The following LCORL variants were observed in gnomAD, a reference collection of about 807,000 sequenced individuals.
LCORL encodes ligand dependent nuclear receptor corepressor like, also known as ligand-dependent nuclear receptor corepressor-like protein.
Under a neutral mutation model 141.8 loss-of-function variants are expected in LCORL, and 41 were observed. The ratio of observed to expected loss-of-function variants is 0.29; its 90% CI spans 0.23 to 0.38. LCORL has a LOEUF of 0.38. Ranked by LOEUF, LCORL falls within the 10% of genes least tolerant of loss-of-function variation. The pLI is 1.00. For synonymous variants in LCORL, 618 were observed against 694.1 expected (o/e 0.89, Z 1.72); for missense variants, 1,759 against 2,035.0 (o/e 0.86, Z 2.61).
rs1457013659 is a variant in LCORL, at chr4:17,878,089, G to C, written c.901C>G (p.Leu301Val). Reference sequence around the variant, plus strand: ...GAAGCAGCATTCTGCTCTTGGACTAGAAATTTCAACATAGCCAAAACTTGT... The same window carrying C: ...GAAGCAGCATTCTGCTCTTGGACTACAAATTTCAACATAGCCAAAACTTGT... Residue 301 changes from leucine (L) to valine (V), a missense_variant, in exon 7 of 8, where the codon CTA becomes GTA. Coordinates refer to ENST00000635767, the Ensembl canonical transcript of LCORL. 6.5e-6 allele frequency: 8 copies of C among 1,230,416 alleles called. No individual in the cohort carries two copies. The African/African-American group carries it at 1.2e-4, about 19-fold the overall frequency. 76.2% of individuals were successfully genotyped at this position (1,230,416 alleles called of 1,614,324 possible). A position where few individuals can be genotyped will look rare whatever the true frequency, so the allele number is the denominator to read the frequency against.
chr4:17,957,116 T>C (rs980651293), intron 4 of LCORL, among the ~76,000 whole-genome samples: 2 of 151,960 alleles, frequency 1.3e-5, no homozygotes, highest in African/African-American at 4.8e-5. Flanking sequence ...GGGTGTTGGA[T>C]GTATCAGCTA....
intron 4 of LCORL, among the ~76,000 whole-genome samples, chr4:17,961,148 G>A (rs1160743906): frequency 6.6e-6 from 1 of 152,024 alleles, no homozygotes; most frequent in East Asian, 1.9e-4. Context: ...TCTCAAAGTT[G>A]AGAGAGAGAA....
chr4:17,845,932 T>C (rs778697496), intron 7 of LCORL, 31 bp from the exon 8 acceptor site: 2 of 1,538,852 alleles, frequency 1.3e-6, no homozygotes, highest in Non-Finnish European at 1.8e-6. Context: ...CATTTTAGTT[T>C]TACTTTAATT....
At chr4:17,883,813 AG>A (rs1340944381) in intron 6 of LCORL, 1 of 1,550,614 alleles carries the variant, frequency 6.4e-7, no homozygotes, top group East Asian at 2.4e-5. Context: ...TCTTCTTCGG[AG>A]GAGTCTTCAG....
chr4:17,933,963 C>T (rs1162345341), intron 4 of LCORL, among the ~76,000 whole-genome samples: 2 of 152,012 alleles, frequency 1.3e-5, no homozygotes, highest in African/African-American at 2.4e-5. Flanking sequence ...AGTAACAGTC[C>T]TTTTAGCTCA....
At chr4:17,913,084 A>G in intron 4 of LCORL, 1 of 228,848 alleles carries the variant, frequency 4.4e-6, no homozygotes, top group Non-Finnish European at 8.7e-6. Flanking sequence ...TGTTGAAGAT[A>G]AAGCCTGCAG....
At chr4:17,871,527 G>A (rs1210132684) in intron 7 of LCORL, among the ~76,000 whole-genome samples, 1 of 151,914 alleles carries the variant, frequency 6.6e-6, no homozygotes, top group African/African-American at 2.4e-5. Flanking sequence ...TTCTTAGGAA[G>A]ATACAATGAT....
intron 5 of LCORL, among the ~76,000 whole-genome samples, chr4:17,901,396 AAC>A (rs1283910193): frequency 6.6e-6 from 1 of 151,016 alleles, no homozygotes; most frequent in Non-Finnish European, 1.5e-5. Flanking sequence ...TAAAAAAAAA[AAC>A]AACAAAATCC....
exon 8 of LCORL, chr4:17,842,620 T>C (rs1052495701): frequency 2.5e-6 from 1 of 398,334 alleles, no homozygotes; most frequent in Non-Finnish European, 4.6e-6. Flanking sequence ...ATATGTTGTT[T>C]CAATTTTTAA....
chr4:17,886,827 AATT>A (rs1298170025), intron 5 of LCORL, among the ~76,000 whole-genome samples: 1 of 152,086 alleles, frequency 6.6e-6, no homozygotes, highest in African/African-American at 2.4e-5. Context: ...ATTAAAATGT[AATT>A]ATAACATTTA....
At position 17,941,714 on chromosome 4, in the gene LCORL, C is replaced by G. The variant is rs187084889; in HGVS notation, c.430+20189G>C. 7.9e-5 allele frequency among the ~76,000 whole-genome samples: 12 copies of G among 152,282 alleles called. No individual in the cohort carries two copies. In the East Asian group the frequency reaches 2.1e-3, roughly 27 times the overall value. On this transcript the variant is annotated intron_variant, in intron 4 of 7. Transcript: ENST00000635767. Reference sequence around the variant, plus strand: ...TTGAAAAGGAAGGGTAAACCATTTTCTTCTTATAGGAAAGCAGTCAAGCAA... The same window carrying G: ...TTGAAAAGGAAGGGTAAACCATTTTGTTCTTATAGGAAAGCAGTCAAGCAA...
chr4:17,921,041 T>C (rs977857661), intron 4 of LCORL, among the ~76,000 whole-genome samples: 5 of 152,190 alleles, frequency 3.3e-5, no homozygotes, highest in African/African-American at 1.2e-4. Context: ...TTTTTATTTT[T>C]TGAGACAAAG....
At chr4:18,001,842 A>G (rs1722015531) in intron 1 of LCORL, among the ~76,000 whole-genome samples, 1 of 152,248 alleles carries the variant, frequency 6.6e-6, no homozygotes, top group South Asian at 2.1e-4. Context: ...TCATTAAAAT[A>G]AAACAAATTT....
intron 1 of LCORL, among the ~76,000 whole-genome samples, chr4:17,993,977 G>C (rs1308788496): frequency 6.6e-6 from 1 of 152,098 alleles, no homozygotes; most frequent in Non-Finnish European, 1.5e-5. Flanking sequence ...GAAATAGAGT[G>C]ATTAAATATT....
chr4:17,942,912 A>G (rs1012415312), intron 4 of LCORL, among the ~76,000 whole-genome samples: 1 of 152,170 alleles, frequency 6.6e-6, no homozygotes. Context: ...GTAGCATTAG[A>G]TACTCATAGG....
chr4:17,921,689 T>C (rs1158115826), intron 4 of LCORL, among the ~76,000 whole-genome samples: 2 of 152,134 alleles, frequency 1.3e-5, no homozygotes, highest in Non-Finnish European at 2.9e-5. Context: ...GAATGAAGGA[T>C]GCAAAGTATT....
chr4:17,880,289 T>A (rs1249846330), intron 6 of LCORL: 1 of 276,498 alleles, frequency 3.6e-6, no homozygotes, highest in Admixed American at 6.6e-5. Context: ...CATGTTAGGA[T>A]CTTAAAGAAA....
rs139654878 is a variant in LCORL at position 18,017,240 on chromosome 4, T to C, written c.154+4358A>G. Among the ~76,000 whole-genome samples, 218 of 152,232 alleles carry C rather than the reference T, an allele frequency of 1.4e-3. 3 individuals are homozygous for C. The East Asian group carries it at 0.029, about 20-fold the overall frequency. Reference sequence around the variant, plus strand: ...AATAATGGAGATGGGAAAGATTACCTTATGTCTGAATGTCAACTAATAATT... The same window carrying C: ...AATAATGGAGATGGGAAAGATTACCCTATGTCTGAATGTCAACTAATAATT... On this transcript the variant is annotated intron_variant, in intron 1 of 7. Coordinates refer to ENST00000635767, the Ensembl canonical transcript of LCORL.
chr4:17,843,356 A>G (rs781610639), exon 8 of LCORL: 3 of 1,612,288 alleles, frequency 1.9e-6, no homozygotes, highest in Non-Finnish European at 2.5e-6. Flanking sequence ...TACCAAGACG[A>G]GCCAAAACCG....
Sources: allele counts gnomAD v4.1 joint callset (sites outside exome capture counted in the v4.1 genomes callset), GRCh38; gene constraint gnomAD v4.1.1; transcripts MANE v1.5; gene names NCBI Gene and HGNC (gene_info 2026-07-23, HGNC 2026-07-21).